EBF3: variants seen among roughly 807,000 people sequenced by gnomAD.
EBF3 encodes transcription factor COE3.
EBF3 carries 18 observed loss-of-function variants against 77.1 expected under a neutral mutation model. That is an observed-to-expected ratio of 0.23 (90% confidence interval 0.16 to 0.35). EBF3 has a LOEUF of 0.35. Among genes scored for constraint, EBF3 ranks in the 10% least tolerant of loss-of-function variants. EBF3 has a pLI of 1.00. For synonymous variants in EBF3, 350 were observed against 343.5 expected (o/e 1.02, Z -0.21); for missense variants, 558 against 860.0 (o/e 0.65, Z 4.39).
chr10:129,958,063 A>C (rs1859173562), intron 5 of EBF3, among the ~76,000 whole-genome samples: 1 of 152,224 alleles, frequency 6.6e-6, no homozygotes, highest in Non-Finnish European at 1.5e-5. Context: ...TTCTATGTTA[A>C]TTGCAGTACA....
At chr10:129,884,050 A>T (rs1257117037) in intron 6 of EBF3, among the ~76,000 whole-genome samples, 1 of 152,202 alleles carries the variant, frequency 6.6e-6, no homozygotes, top group East Asian at 1.9e-4. Flanking sequence ...AATAGTTAAG[A>T]GTCAAATTAA....
At chr10:129,924,309 G>T (rs1856501828) in intron 6 of EBF3, among the ~76,000 whole-genome samples, 2 of 152,160 alleles carry the variant, frequency 1.3e-5, no homozygotes, top group Admixed American at 6.5e-5. Flanking sequence ...CAGCTATTCA[G>T]GAGACTGAGG....
chr10:129,918,976 CG>C (rs747780378), intron 6 of EBF3, among the ~76,000 whole-genome samples: 46 of 152,162 alleles, frequency 3.0e-4, no homozygotes, highest in Non-Finnish European at 1.5e-4. Flanking sequence ...CTTCCCCAGC[CG>C]GGCTTACCAA....
At chr10:129,910,983 G>T (rs149749706) in intron 6 of EBF3, among the ~76,000 whole-genome samples, 1 of 152,302 alleles carries the variant, frequency 6.6e-6, no homozygotes, top group Admixed American at 6.5e-5. Flanking sequence ...AGCTCAGCGC[G>T]GAGGCTCCGG....
chr10:129,932,620 G>A lies in EBF3; in HGVS notation c.554+24638C>T, dbSNP rs192851929. On this transcript the variant is annotated intron_variant, in intron 6 of 16. Coordinates refer to ENST00000440978, the MANE Select transcript of EBF3 (RefSeq NM_001375380.1). ...GCACATGGTGTATGTAGCTCCACGT[G>A]CCTGTGATGCCATCCCTGGAAAAAT... 4.0e-4 allele frequency among the ~76,000 whole-genome samples: 61 copies of A among 152,330 alleles called. 1 individual carries two copies. The East Asian group carries it at 0.011, about 27-fold the overall frequency.
Position 129,871,617 on chromosome 10 carries a change from A to T in EBF3, c.781+1835T>A, listed in dbSNP as rs555063977. On this transcript the variant is annotated intron_variant, in intron 8 of 16. Transcript: ENST00000440978. ...CAGAAGGAGGGAAGGGGTTTGGGGGACAAATATGCGCAGACTTAAAAGGAA... is the reference window on the plus strand; with the variant it reads ...CAGAAGGAGGGAAGGGGTTTGGGGGTCAAATATGCGCAGACTTAAAAGGAA... Among the ~76,000 whole-genome samples, 8 of 152,274 alleles carry T rather than the reference A, an allele frequency of 5.3e-5. No homozygotes were observed. In the South Asian group the frequency reaches 1.7e-3, roughly 32 times the overall value.
chr10:129,839,625 G>A (rs1169341913), intron 15 of EBF3, among the ~76,000 whole-genome samples: 1 of 152,208 alleles, frequency 6.6e-6, no homozygotes, highest in Non-Finnish European at 1.5e-5. Flanking sequence ...TACACACCTG[G>A]CCCTGGGTCT....
At chr10:129,948,259 CAAAAAAAAAAAAAAA>C (rs71481027) in intron 6 of EBF3, among the ~76,000 whole-genome samples, 2 of 45,754 alleles carry the variant, frequency 4.4e-5, no homozygotes, top group Non-Finnish European at 8.2e-5. Context: ...AACTCCGTCT[CAAAAAAAAAAAAAAA>C]AAAAAAAAAA....
intron 6 of EBF3, among the ~76,000 whole-genome samples, chr10:129,941,420 G>T (rs1256287316): frequency 6.6e-6 from 1 of 152,222 alleles, no homozygotes; most frequent in Non-Finnish European, 1.5e-5. Context: ...ACGCCTGGAG[G>T]TGGCCCAGCA....
intron 9 of EBF3, among the ~76,000 whole-genome samples, 181 bp from the exon 10 acceptor site, chr10:129,867,448 T>A (rs1852102762): frequency 6.6e-6 from 1 of 152,180 alleles, no homozygotes; most frequent in Admixed American, 6.5e-5. Flanking sequence ...TATCTGCAAA[T>A]GATCCCAGGT....
chr10:129,853,248 TG>T (rs1851020628), intron 10 of EBF3, among the ~76,000 whole-genome samples: 1 of 152,216 alleles, frequency 6.6e-6, no homozygotes, highest in Non-Finnish European at 1.5e-5. Flanking sequence ...GCCTCTCCAT[TG>T]TTTAAGCCCA....
intron 10 of EBF3, among the ~76,000 whole-genome samples, chr10:129,850,634 A>C (rs538353394): frequency 3.3e-5 from 5 of 152,302 alleles, no homozygotes; most frequent in Admixed American, 3.3e-4. Context: ...CTGGAAGCCC[A>C]GTGAGTTCAC....
chr10:129,862,163 GA>G (rs1425467254), intron 10 of EBF3, among the ~76,000 whole-genome samples: 1 of 152,286 alleles, frequency 6.6e-6, no homozygotes, highest in South Asian at 2.1e-4. Context: ...TTAAAAGAAA[GA>G]AGAAGGAAAG....
intron 6 of EBF3, among the ~76,000 whole-genome samples, chr10:129,953,360 A>C (rs373698051): frequency 6.6e-6 from 1 of 152,224 alleles, no homozygotes; most frequent in African/African-American, 2.4e-5. Context: ...TTGAAATTTT[A>C]TAACAGCTGT....
intron 10 of EBF3, among the ~76,000 whole-genome samples, chr10:129,853,072 C>T (rs1008856166): frequency 6.6e-6 from 1 of 152,190 alleles, no homozygotes; most frequent in Non-Finnish European, 1.5e-5. Context: ...TCCTGACCAC[C>T]CCTGCCCGGG....
intron 6 of EBF3, among the ~76,000 whole-genome samples, chr10:129,898,285 C>A (rs536073230): frequency 1.3e-5 from 2 of 152,180 alleles, no homozygotes; most frequent in Non-Finnish European, 2.9e-5. Context: ...GCTGGGTCTG[C>A]AGTGCAGGAG....
At position 129,864,238 on chromosome 10, in the gene EBF3, A is replaced by G. The variant is rs1433268068; in HGVS notation, c.1039+2903T>C. Among the ~76,000 whole-genome samples the G allele has an allele frequency of 6.6e-6, 1 of 152,104 alleles. No individual in the cohort carries two copies. The highest frequency in any genetic ancestry group is 1.5e-5 in the Non-Finnish European group (1 of 68,000). ...CAGGAGAGAGCTGCCCCCTCCCTGC[A>G]CCAGCCCCAGAGCAGCAAAAGCAGG... On this transcript the variant is annotated intron_variant, in intron 10 of 16. Coordinates refer to ENST00000440978, the MANE Select transcript of EBF3 (RefSeq NM_001375380.1). The surrounding 1 kb of genome is among the most constrained non-coding windows in gnomAD (Gnocchi z 4.4).
intron 10 of EBF3, among the ~76,000 whole-genome samples, chr10:129,851,236 C>T (rs1455259142): frequency 6.6e-6 from 1 of 152,204 alleles, no homozygotes; most frequent in Non-Finnish European, 1.5e-5. Context: ...TGCTTACTGA[C>T]CTCGTGGATA....
Position 129,842,150 on chromosome 10 carries a change from G to A in EBF3, c.1338C>T (p.Val446=). ...GVNSFSSQLA[V]NVSETSQAND... is the part of the protein sequence containing the mutation. ...TGGCTTGTGACGTCTCTGACACGTT[G>A]ACGGCTAGCTGGCTGCTGAAGGAGT... Residue 446 remains valine (V), a synonymous_variant, in exon 13 of 17, where the codon GTC becomes GTT. Transcript: ENST00000440978. This position sits in a 1 kb window ranked among gnomAD's most constrained non-coding sequence, Gnocchi z 4.4. 6.2e-7 allele frequency: 1 copy of A among 1,614,242 alleles called. No individual in the cohort carries two copies. Among genetic ancestry groups the A allele is most frequent in the Non-Finnish European group, 8.5e-7 (1 of 1,180,044 alleles).
Sources: gnomAD v4.1 joint callset for allele counts (sites outside exome capture counted in the v4.1 genomes callset) on GRCh38, gnomAD v4.1.1 for gene constraint, Gnocchi (gnomAD v3.1) non-coding constraint, MANE v1.5 for transcripts, NCBI Gene and HGNC (gene_info 2026-07-23, HGNC 2026-07-21) for gene names.